The following SPARCL1 variants were observed in gnomAD, a reference collection of about 807,000 sequenced individuals.
The protein encoded by SPARCL1 is SPARC-like protein 1.
A neutral mutation model predicts 67.1 loss-of-function variants in SPARCL1; 52 were observed. The ratio of observed to expected loss-of-function variants is 0.78; its 90% CI spans 0.62 to 0.98. The LOEUF is 0.98. Among genes scored for constraint, SPARCL1 ranks in the 50% least tolerant of loss-of-function variants. The pLI is 0.00. For synonymous variants in SPARCL1, 226 were observed against 267.8 expected, an observed-to-expected ratio of 0.84 and a Z score of 1.52; for missense variants, 717 against 782.4, an observed-to-expected ratio of 0.92 and a Z score of 1.00.
chr4:87,490,522 A>C lies in SPARCL1; in HGVS notation c.1411-129T>G, dbSNP rs576533259. ...TGTGGTCAGGTAGGTGAGACTATTAAAATCGTAATTGTTCCATTTGGCATC... is the reference window on the plus strand; with the variant it reads ...TGTGGTCAGGTAGGTGAGACTATTACAATCGTAATTGTTCCATTTGGCATC... On this transcript the variant is annotated intron_variant, in intron 6 of 10. Coordinates refer to ENST00000282470, the MANE Select transcript of SPARCL1 (RefSeq NM_004684.6). 9.7e-5 allele frequency: 109 copies of C among 1,127,022 alleles called. 1 individual carries two copies. The highest frequency in any genetic ancestry group is 7.7e-4 in the East Asian group (32 of 41,366). 69.8% of individuals were successfully genotyped at this position (1,127,022 alleles called of 1,614,324 possible). A position where few individuals can be genotyped will look rare whatever the true frequency, so the allele number is the denominator to read the frequency against.
intron 1 of SPARCL1, among the ~76,000 whole-genome samples, chr4:87,524,444 C>T (rs746771240): frequency 2.6e-5 from 4 of 152,156 alleles, no homozygotes; most frequent in Non-Finnish European, 4.4e-5. Context: ...AAGTGTGAAA[C>T]TTATATTTGT....
chr4:87,491,870 CA>C (rs1724347053), intron 4 of SPARCL1, among the ~76,000 whole-genome samples, 180 bp from the exon 5 acceptor site: 1 of 148,046 alleles, frequency 6.8e-6, no homozygotes, highest in African/African-American at 2.5e-5. Flanking sequence ...TTTGGGAGGC[CA>C]AGGTGGGAGG....
At chr4:87,479,705 A>G in intron 9 of SPARCL1, 127 bp from the exon 10 acceptor site, 1 of 799,618 alleles carries the variant, frequency 1.3e-6, no homozygotes, top group Non-Finnish European at 2.0e-6. Context: ...GAATACAGAT[A>G]AAAACTGCCA....
intron 2 of SPARCL1, among the ~76,000 whole-genome samples, chr4:87,497,755 C>T (rs532082601): frequency 6.6e-6 from 1 of 152,210 alleles, no homozygotes; most frequent in African/African-American, 2.4e-5. Context: ...ACATTTGGTT[C>T]AAACACTTTT....
chr4:87,497,365 G>C (rs1483584708), intron 2 of SPARCL1: 1 of 202,520 alleles, frequency 4.9e-6, no homozygotes, highest in Non-Finnish European at 8.8e-6. Context: ...ATGGATGGGG[G>C]AGATTTTAGG....
At chr4:87,510,251 TGTTG>T (rs968992322) in intron 1 of SPARCL1, among the ~76,000 whole-genome samples, 16 of 152,104 alleles carry the variant, frequency 1.1e-4, no homozygotes, top group African/African-American at 3.6e-4. Context: ...AGTGGCGTCA[TGTTG>T]GTAGCTTAAA....
chr4:87,502,081 G>T (rs1724876774), intron 1 of SPARCL1, among the ~76,000 whole-genome samples: 1 of 151,782 alleles, frequency 6.6e-6, no homozygotes, highest in East Asian at 1.9e-4. Context: ...TAGGATTACA[G>T]GGATGAGCCA....
intron 9 of SPARCL1, among the ~76,000 whole-genome samples, chr4:87,479,983 T>G (rs781334590): frequency 6.6e-6 from 1 of 151,848 alleles, no homozygotes; most frequent in Non-Finnish European, 1.5e-5. Context: ...CCTTAACATG[T>G]AAACTTGGGA....
chr4:87,504,717 A>C (rs1725004549), intron 1 of SPARCL1: 1 of 152,254 alleles, frequency 6.6e-6, no homozygotes, highest in South Asian at 2.1e-4. Flanking sequence ...AAAAAATCCC[A>C]AAACAAACAA....
intron 1 of SPARCL1, among the ~76,000 whole-genome samples, chr4:87,502,825 T>C (rs1019665084): frequency 2.0e-5 from 3 of 152,216 alleles, no homozygotes; most frequent in Non-Finnish European, 2.9e-5. Flanking sequence ...TTCCAAAGAA[T>C]AGTTCCATGG....
chr4:87,496,905 ACTCTGTTGC>A (rs1724642484), intron 2 of SPARCL1, among the ~76,000 whole-genome samples: 1 of 151,988 alleles, frequency 6.6e-6, no homozygotes, highest in Non-Finnish European at 1.5e-5. Context: ...ACAGAGTCTC[ACTCTGTTGC>A]CCAGGCTGAA....
At chr4:87,501,271 G>A (rs1724837765) in intron 1 of SPARCL1, among the ~76,000 whole-genome samples, 1 of 152,004 alleles carries the variant, frequency 6.6e-6, no homozygotes, top group Non-Finnish European at 1.5e-5. Flanking sequence ...GGGTCACCAC[G>A]CCCTGGTAAT....
intron 5 of SPARCL1, 85 bp from the exon 6 acceptor site, chr4:87,490,963 C>T: frequency 2.4e-6 from 2 of 831,234 alleles, no homozygotes; most frequent in African/African-American, 1.8e-5. Flanking sequence ...TTCATTTTCA[C>T]TAATGAAGGG....
chr4:87,512,402 T>C (rs929566556), intron 1 of SPARCL1, among the ~76,000 whole-genome samples: 5 of 152,184 alleles, frequency 3.3e-5, no homozygotes, highest in East Asian at 3.8e-4. Context: ...CATTTCCCTA[T>C]GATGTGGGCC....
intron 1 of SPARCL1, among the ~76,000 whole-genome samples, chr4:87,508,144 G>T (rs1725181691): frequency 1.3e-5 from 2 of 152,112 alleles, no homozygotes; most frequent in African/African-American, 4.8e-5. Flanking sequence ...AGACAAAAAG[G>T]GTATGCTTTA....
chr4:87,502,258 T>C (rs1724884618), intron 1 of SPARCL1, among the ~76,000 whole-genome samples: 1 of 152,200 alleles, frequency 6.6e-6, no homozygotes, highest in Non-Finnish European at 1.5e-5. Context: ...ATAATTTGCA[T>C]ATCCATCACC....
Position 87,476,303 on chromosome 4 carries a change from C to T in SPARCL1, c.1967-2500G>A, listed in dbSNP as rs866315667. Among the ~76,000 whole-genome samples the T allele has an allele frequency of 7.2e-5, 11 of 152,248 alleles. 1 individual carries two copies. The Middle Eastern group carries it at 0.017, about 235-fold the overall frequency. On this transcript the variant is annotated intron_variant, in intron 10 of 10. Transcript: ENST00000282470. ...TTCCTATCAAATATTGTCTTATTTCCACATGCTATATATTTGAGTATGCTT... is the reference window on the plus strand; with the variant it reads ...TTCCTATCAAATATTGTCTTATTTCTACATGCTATATATTTGAGTATGCTT...
intron 1 of SPARCL1, among the ~76,000 whole-genome samples, chr4:87,522,679 A>ACACG (rs1280167792): frequency 4.0e-4 from 59 of 148,374 alleles, no homozygotes; most frequent in African/African-American, 1.5e-3. Flanking sequence ...ACACACACAC[A>ACACG]CACGCACACA....
At chr4:87,521,956 A>G (rs1467913437) in intron 1 of SPARCL1, among the ~76,000 whole-genome samples, 1 of 152,234 alleles carries the variant, frequency 6.6e-6, no homozygotes, top group African/African-American at 2.4e-5. Flanking sequence ...TAGGTACTTT[A>G]TAAACAGACT....
Sources: allele counts gnomAD v4.1 joint callset (sites outside exome capture counted in the v4.1 genomes callset), GRCh38; gene constraint gnomAD v4.1.1; transcripts MANE v1.5; gene names NCBI Gene and HGNC (gene_info 2026-07-23, HGNC 2026-07-21).